SETD1A: variants seen among roughly 807,000 people sequenced by gnomAD.
The protein encoded by SETD1A is histone-lysine N-methyltransferase SETD1A.
A neutral mutation model predicts 149.9 loss-of-function variants in SETD1A; 29 were observed. The observed-to-expected ratio is 0.19, with a 90% CI of 0.14 to 0.26. The LOEUF is 0.26. SETD1A is among the 10% of genes least tolerant of loss of function. SETD1A has a pLI of 1.00. For missense variants in SETD1A, 2,109 were observed against 2,353.1 expected, an observed-to-expected ratio of 0.90 and a Z score of 2.15; for synonymous variants, 1,141 against 968.5, an observed-to-expected ratio of 1.18 and a Z score of -3.31.
At chr16:30,976,174 A>G (rs2056282654) in intron 13 of SETD1A, among the ~76,000 whole-genome samples, 1 of 152,128 alleles carries the variant, frequency 6.6e-6, no homozygotes, top group African/African-American at 2.4e-5. Flanking sequence ...TGGGAGGCCG[A>G]GGCAGGAGGA....
Position 30,971,728 on chromosome 16 carries a change from C to T in SETD1A, c.3358+9C>T, listed in dbSNP as rs2143539166. 2 of 1,546,160 alleles carry T rather than the reference C, an allele frequency of 1.3e-6. No individual in the cohort carries two copies. The highest frequency in any genetic ancestry group is 1.7e-6 in the Non-Finnish European group (2 of 1,144,438). On this transcript the variant is annotated intron_variant, in intron 13 of 18. Transcript: ENST00000262519. ...TCCAGCAAGGCCTGCAGGTAGGTGCCACAGGGCTGTCGGTTAGATCGCTGT... is the reference window on the plus strand; with the variant it reads ...TCCAGCAAGGCCTGCAGGTAGGTGCTACAGGGCTGTCGGTTAGATCGCTGT...
Position 30,965,590 on chromosome 16 carries a change from T to C in SETD1A, c.1720-11T>C, listed in dbSNP as rs778000845. ...GCAGAAGCCTTCTGTGACCCTCTTC[T>C]GCCCCCGCAGGCTTCTCCATGCTCT... is the stretch of plus-strand genomic sequence containing the variant. On this transcript the variant is annotated splice_polypyrimidine_tract_variant and intron_variant, in intron 7 of 18. Coordinates refer to ENST00000262519, the MANE Select transcript of SETD1A (RefSeq NM_014712.3). The C allele has an allele frequency of 7.7e-5, 124 of 1,611,012 alleles. No homozygotes were observed. In the Admixed American group the frequency reaches 2.0e-3, roughly 26 times the overall value.
chr16:30,958,677 A>G, intron 1 of SETD1A, 40 bp from the exon 2 acceptor site: 1 of 1,563,178 alleles, frequency 6.4e-7, no homozygotes, highest in Non-Finnish European at 8.8e-7. Context: ...GTCAGGCCCC[A>G]AGTCCTGATC....
Position 30,966,496 on chromosome 16 carries a change from A to G in SETD1A, c.2505+110A>G. ...GGAGACAGGTGATGGAGGCGAGTGG[A>G]GAGAGGCCGCAGGCCCTGCAGGCCA... is the stretch of plus-strand genomic sequence containing the variant. On this transcript the variant is annotated intron_variant, in intron 8 of 18. Coordinates refer to ENST00000262519, the MANE Select transcript of SETD1A (RefSeq NM_014712.3). 2.1e-6 allele frequency: 3 copies of G among 1,447,820 alleles called. 1 individual carries two copies. In the South Asian group the frequency reaches 4.5e-5, roughly 21 times the overall value. 89.7% of individuals were successfully genotyped at this position (1,447,820 alleles called of 1,614,324 possible).
At chr16:30,963,296 T>C (rs913184893) in intron 4 of SETD1A, 137 bp from the exon 5 acceptor site, 17 of 703,892 alleles carry the variant, frequency 2.4e-5, no homozygotes, top group Non-Finnish European at 3.4e-5. Context: ...GGTAGAGTTA[T>C]GGTAGGAGAA....
At position 30,983,916 on chromosome 16, in the gene SETD1A, C is replaced by A; in HGVS notation, c.5017C>A (p.Pro1673Thr). Residue 1673 changes from proline (P) to threonine (T), a missense_variant, in exon 19 of 19, where the codon CCC (proline) becomes ACC (threonine). Coordinates refer to ENST00000262519, the MANE Select transcript of SETD1A (RefSeq NM_014712.3). The surrounding 1 kb of genome is among the most constrained non-coding windows in gnomAD (Gnocchi z 6.8). ...QKKIVIYSKQ[P>T]IGVDEEITYD... ...GAAGATCGTGATCTACTCCAAGCAG[C>A]CCATTGGCGTGGACGAGGAGATCAC... 1.9e-6 allele frequency: 3 copies of A among 1,613,740 alleles called. No homozygotes were observed. Among genetic ancestry groups the A allele is most frequent in the Non-Finnish European group, 2.5e-6 (3 of 1,179,810 alleles).
In SETD1A at chr16:30,981,087, C is replaced by T; in HGVS notation, c.4719C>T (p.Gly1573=). ...TCCGGAAGAAGAAGCTCCGATTTGGCCGGAGCCGGATCCACGAGTGGGGTC... is the reference window on the plus strand; with the variant it reads ...TCCGGAAGAAGAAGCTCCGATTTGGTCGGAGCCGGATCCACGAGTGGGGTC... ...LKFRKKKLRF[G]RSRIHEWGLF... is the part of the protein sequence containing the mutation. The change falls in exon 17 of 19, where the codon GGC becomes GGT. Residue 1573 remains glycine (G), a synonymous_variant. Coordinates refer to ENST00000262519, the MANE Select transcript of SETD1A (RefSeq NM_014712.3). 1.2e-6 allele frequency: 2 copies of T among 1,614,206 alleles called. No homozygotes were observed. Among genetic ancestry groups the T allele is most frequent in the Non-Finnish European group, 1.7e-6 (2 of 1,180,012 alleles).
In SETD1A at chr16:30,980,613, G is replaced by A. The variant is rs775651422; in HGVS notation, c.4537G>A (p.Val1513Met). The stretch of plus-strand genomic sequence containing the variant: ...GAAGGAGAAGGACAAGTACCTGGAC[G>A]TGTGCCCAGTCTCGGCCCGGCAGCT... ...SKKEKDKYLD[V>M]CPVSARQLEG... The change falls in exon 15 of 19, where the codon GTG becomes ATG. Residue 1513 changes from valine to methionine, a missense_variant. Physicochemically the swap from Val to Met is conservative, Grantham distance 21 (BLOSUM62 1). Coordinates refer to ENST00000262519, the MANE Select transcript of SETD1A (RefSeq NM_014712.3). This position sits in a 1 kb window ranked among gnomAD's most constrained non-coding sequence, Gnocchi z 7.7. The A allele has an allele frequency of 1.5e-5, 24 of 1,613,770 alleles. No homozygotes were observed. The highest frequency in any genetic ancestry group is 4.0e-5 in the African/African-American group (3 of 74,936).
Position 30,971,555 on chromosome 16 carries a change from A to G in SETD1A, c.3194A>G (p.Glu1065Gly). Residue 1065 changes from glutamate (E) to glycine (G), a missense_variant, in exon 13 of 19, where the codon GAA becomes GGA. Physicochemically the swap from Glu to Gly is moderately conservative, Grantham distance 98. This residue lies in a region of SETD1A where 832 missense variants were observed against 815.6 expected (regional missense o/e 1.02). Transcript: ENST00000262519. ...TCCTCTGAGTCCTCCTCTGAAGATGAAGAGGAAGAGGAGCGGCCAGCAGCC... is the reference window on the plus strand; with the variant it reads ...TCCTCTGAGTCCTCCTCTGAAGATGGAGAGGAAGAGGAGCGGCCAGCAGCC... ...SSSSESSSED[E>G]EEEERPAALP... The G allele has an allele frequency of 1.2e-6, 2 of 1,613,812 alleles. No individual in the cohort carries two copies. Among genetic ancestry groups the G allele is most frequent in the Middle Eastern group, 1.7e-4 (1 of 6,058 alleles).
In SETD1A at chr16:30,979,500, C is replaced by T. The variant is rs2056334754; in HGVS notation, c.3714C>T (p.Arg1238=). ...GGAGCCGGGCTGGAGGCCGAGGCCG[C>T]CTCACCGAGGAAGAGGAGGCTGAGC... ...GGRSRAGGRG[R]LTEEEEAEPG... Residue 1238 remains arginine, a synonymous_variant, in exon 14 of 19, where the codon CGC becomes CGT. Transcript: ENST00000262519. 3.7e-6 allele frequency: 6 copies of T among 1,603,816 alleles called. No homozygotes were observed. The highest frequency in any genetic ancestry group is 4.3e-6 in the Non-Finnish European group (5 of 1,175,846).
chr16:30,962,818 G>C (rs2143474952), intron 4 of SETD1A, among the ~76,000 whole-genome samples: 1 of 152,360 alleles, frequency 6.6e-6, no homozygotes, highest in East Asian at 1.9e-4. Context: ...GGTGGTTCAT[G>C]CTTATAATCC....
rs756536610 is a variant in SETD1A at position 30,965,587 on chromosome 16, T to C, written c.1720-14T>C. 1.9e-6 allele frequency: 3 copies of C among 1,610,736 alleles called. No homozygotes were observed. Among genetic ancestry groups the C allele is most frequent in the Non-Finnish European group, 2.5e-6 (3 of 1,178,622 alleles). On this transcript the variant is annotated splice_polypyrimidine_tract_variant and intron_variant, in intron 7 of 18. Coordinates refer to ENST00000262519, the MANE Select transcript of SETD1A (RefSeq NM_014712.3). ...CAGGCAGAAGCCTTCTGTGACCCTCTTCTGCCCCCGCAGGCTTCTCCATGC... is the reference window on the plus strand; with the variant it reads ...CAGGCAGAAGCCTTCTGTGACCCTCCTCTGCCCCCGCAGGCTTCTCCATGC...
intron 13 of SETD1A, among the ~76,000 whole-genome samples, chr16:30,972,626 G>A (rs1194116177): frequency 1.4e-5 from 2 of 143,436 alleles, no homozygotes; most frequent in Non-Finnish European, 3.0e-5. Context: ...GCGACAGAGC[G>A]AGACTCTGTC....
rs1000754418 is a variant in SETD1A, at chr16:30,965,933, C to G, written c.2052C>G (p.Thr684=). 1.2e-6 allele frequency: 2 copies of G among 1,611,148 alleles called. No individual in the cohort carries two copies. The highest frequency in any genetic ancestry group is 2.7e-5 in the African/African-American group (2 of 74,764). ...TGCCCATGTCCTTCCAGATGCAGAC[C>G]CAGATGTTAACTCGGCTCCATCAGC... ...GGMPMSFQMQ[T]QMLTRLHQLR... is the part of the protein sequence containing the mutation. The change falls in exon 8 of 19, where the codon ACC becomes ACG. Residue 684 remains threonine (T), a synonymous_variant. Coordinates refer to ENST00000262519, the MANE Select transcript of SETD1A (RefSeq NM_014712.3).
chr16:30,978,014 G>A (rs944765331), intron 13 of SETD1A, among the ~76,000 whole-genome samples: 4 of 151,726 alleles, frequency 2.6e-5, no homozygotes, highest in South Asian at 2.1e-4. Context: ...AGTGGCTCAC[G>A]CCTGTAACCC....
At position 30,979,214 on chromosome 16, in the gene SETD1A, C is replaced by T; in HGVS notation, c.3428C>T (p.Pro1143Leu). 6.3e-7 allele frequency: 1 copy of T among 1,586,302 alleles called. No individual in the cohort carries two copies. Among genetic ancestry groups the T allele is most frequent in the Non-Finnish European group, 8.6e-7 (1 of 1,164,882 alleles). The change falls in exon 14 of 19, where the codon CCT (proline) becomes CTT (leucine). Residue 1143 changes from proline to leucine, a missense_variant. Around this residue, in one of 8 missense-constraint regions of SETD1A, gnomAD observed 832 missense variants for 815.6 expected, o/e 1.02. Coordinates refer to ENST00000262519, the MANE Select transcript of SETD1A (RefSeq NM_014712.3). ...PPEPPAGPPA[P>L]APRPDERPSS... ...GAACCACCTGCTGGGCCCCCGGCCC[C>T]TGCCCCACGCCCCGATGAGCGTCCC...
At chr16:30,959,499 T>G (rs992350294) in intron 3 of SETD1A, among the ~76,000 whole-genome samples, 1 of 152,142 alleles carries the variant, frequency 6.6e-6, no homozygotes, top group African/African-American at 2.4e-5. Context: ...AAGAGTGGGA[T>G]CTCCCAGTTC....
chr16:30,982,420 G>A (rs1596695903), intron 17 of SETD1A, among the ~76,000 whole-genome samples: 1 of 152,048 alleles, frequency 6.6e-6, no homozygotes, highest in South Asian at 2.1e-4. Context: ...AGAATCGCTT[G>A]GACCTGGGAG....
Position 30,979,879 on chromosome 16 carries a change from G to A in SETD1A, c.4093G>A (p.Gly1365Arg). The change falls in exon 14 of 19, where the codon GGG (glycine) becomes AGG (arginine). Residue 1365 changes from glycine (G) to arginine (R), a missense_variant. Physicochemically the swap from Gly to Arg is moderately radical, Grantham distance 125. This residue lies in a region of SETD1A where 832 missense variants were observed against 815.6 expected (regional missense o/e 1.02). Coordinates refer to ENST00000262519, the MANE Select transcript of SETD1A (RefSeq NM_014712.3). ...GCAGCGGGAGGAGGGCGAAGAGGAG[G>A]GGGAGGAAGAGGGGGAGGAAGAGGA... The part of the protein sequence containing the change: ...QQQREEGEEE[G>R]EEEGEEEEEE... The A allele has an allele frequency of 1.3e-6, 2 of 1,535,144 alleles. No homozygotes were observed. The highest frequency in any genetic ancestry group is 1.7e-6 in the Non-Finnish European group (2 of 1,146,498).
Sources: allele counts gnomAD v4.1 joint callset (sites outside exome capture counted in the v4.1 genomes callset), GRCh38; gene constraint gnomAD v4.1.1; regional missense constraint gnomAD v4.1.1; non-coding constraint Gnocchi (gnomAD v3.1); transcripts MANE v1.5; gene names NCBI Gene and HGNC (gene_info 2026-07-23, HGNC 2026-07-21).